Variants in ZNF644 observed in about 807,000 individuals in gnomAD.
The protein encoded by ZNF644 is zinc finger protein 644, also known as zinc finger motif enhancer binding protein 2.
A neutral mutation model predicts 108.0 loss-of-function variants in ZNF644; 20 were observed. The ratio of observed to expected loss-of-function variants is 0.19; its 90% CI spans 0.13 to 0.27. The LOEUF (loss-of-function observed/expected upper bound fraction) is 0.27. Ranked by LOEUF, ZNF644 falls within the 10% of genes least tolerant of loss-of-function variation. The pLI, the probability that ZNF644 is intolerant of heterozygous loss-of-function variation, is 1.00. For missense variants in ZNF644, 1,338 were observed against 1,548.9 expected (o/e 0.86, Z 2.29); for synonymous variants, 542 against 539.1 (o/e 1.01, Z -0.08).
At chr1:90,942,694 G>T (rs1205127088) in intron 2 of ZNF644, among the ~76,000 whole-genome samples, 1 of 152,128 alleles carries the variant, frequency 6.6e-6, no homozygotes, top group Admixed American at 6.6e-5. Context: ...GTTCCATCAG[G>T]TTCTGATTTA....
chr1:90,967,682 C>T (rs889598154), intron 2 of ZNF644, among the ~76,000 whole-genome samples: 10 of 152,156 alleles, frequency 6.6e-5, no homozygotes, highest in Admixed American at 5.2e-4. Flanking sequence ...TTATTAACTT[C>T]AACTGGTTTC....
At chr1:90,918,349 G>C in intron 4 of ZNF644, 195 bp from the exon 5 acceptor site, 1 of 596,584 alleles carries the variant, frequency 1.7e-6, no homozygotes, top group Non-Finnish European at 3.0e-6. Context: ...CTGTACAGCG[G>C]TATTATCTGT....
At chr1:90,978,344 C>CT (rs1030825600) in intron 2 of ZNF644, among the ~76,000 whole-genome samples, 2 of 144,100 alleles carry the variant, frequency 1.4e-5, no homozygotes, top group African/African-American at 5.1e-5. Context: ...AAGAGCAAAA[C>CT]TTTGTCTTAA....
chr1:90,998,189 A>T (rs556936170), intron 1 of ZNF644, among the ~76,000 whole-genome samples: 1 of 152,340 alleles, frequency 6.6e-6, no homozygotes, highest in South Asian at 2.1e-4. Flanking sequence ...GACAGCTTTG[A>T]AGCGAGTAGT....
intron 4 of ZNF644, among the ~76,000 whole-genome samples, chr1:90,931,500 A>C (rs908428928): frequency 6.6e-6 from 1 of 152,140 alleles, no homozygotes; most frequent in African/African-American, 2.4e-5. Flanking sequence ...CTATTTTGAT[A>C]AAGATTGATC....
At chr1:90,966,700 A>T (rs1391395776) in intron 2 of ZNF644, among the ~76,000 whole-genome samples, 1 of 149,720 alleles carries the variant, frequency 6.7e-6, no homozygotes, top group Non-Finnish European at 1.5e-5. Context: ...TGGTGAACCA[A>T]GATTGTACCA....
intron 2 of ZNF644, among the ~76,000 whole-genome samples, chr1:90,976,855 T>C (rs1656062401): frequency 6.6e-6 from 1 of 152,106 alleles, no homozygotes; most frequent in Non-Finnish European, 1.5e-5. Flanking sequence ...TTATATAATA[T>C]GGCATAGTAC....
intron 1 of ZNF644, chr1:91,020,593 A>G (rs1019460726): frequency 2.0e-5 from 3 of 152,234 alleles, no homozygotes; most frequent in African/African-American, 7.2e-5. Context: ...TAGCAAGCCT[A>G]CCAAAATGCA....
chr1:90,934,127 G>A (rs116804089), intron 4 of ZNF644, among the ~76,000 whole-genome samples: 1 of 152,130 alleles, frequency 6.6e-6, no homozygotes, highest in African/African-American at 2.4e-5. Context: ...TAAAGGTGAG[G>A]GTATATAAAA....
intron 4 of ZNF644, among the ~76,000 whole-genome samples, chr1:90,928,845 G>A (rs568147461): frequency 1.3e-5 from 2 of 151,850 alleles, no homozygotes; most frequent in African/African-American, 4.8e-5. Context: ...ACTTCATCTC[G>A]TCTTCCTAAA....
intron 2 of ZNF644, among the ~76,000 whole-genome samples, chr1:90,980,913 G>A (rs2101471254): frequency 6.6e-6 from 1 of 152,190 alleles, no homozygotes; most frequent in South Asian, 2.1e-4. Context: ...TATGTGAAAA[G>A]TCATTCAGCT....
intron 2 of ZNF644, among the ~76,000 whole-genome samples, 155 bp from the exon 3 acceptor site, chr1:90,941,464 A>C (rs1465812940): frequency 1.3e-5 from 2 of 152,196 alleles, no homozygotes; most frequent in Admixed American, 1.3e-4. Flanking sequence ...ACACAAACAT[A>C]TTGAAATATT....
intron 2 of ZNF644, among the ~76,000 whole-genome samples, chr1:90,977,519 A>G (rs758987430): frequency 6.6e-6 from 1 of 152,192 alleles, no homozygotes. Context: ...ACCTTTGAGC[A>G]CTCTCACAAT....
intron 1 of ZNF644, among the ~76,000 whole-genome samples, chr1:90,989,616 A>G (rs1249763351): frequency 6.6e-6 from 1 of 152,202 alleles, no homozygotes; most frequent in Non-Finnish European, 1.5e-5. Flanking sequence ...AAACTACAAG[A>G]TATCACCTTA....
intron 2 of ZNF644, among the ~76,000 whole-genome samples, chr1:90,968,821 C>T (rs1280301635): frequency 6.6e-6 from 1 of 152,042 alleles, no homozygotes; most frequent in East Asian, 1.9e-4. Flanking sequence ...TAAATAGATA[C>T]ATTTATCAGT....
chr1:90,991,857 A>C (rs1657665656), intron 1 of ZNF644, among the ~76,000 whole-genome samples: 2 of 152,182 alleles, frequency 1.3e-5, no homozygotes, highest in Non-Finnish European at 2.9e-5. Flanking sequence ...AAACCATGTC[A>C]AACGATTTGT....
Position 91,019,787 on chromosome 1 carries a change from G to A in ZNF644, c.-18+2203C>T, listed in dbSNP as rs142498604. Among the ~76,000 whole-genome samples, 1,301 of 152,162 alleles carry A rather than the reference G, an allele frequency of 8.6e-3. 5 individuals are homozygous for A. The highest frequency in any genetic ancestry group is 0.014 in the Non-Finnish European group (954 of 68,000). On this transcript the variant is annotated intron_variant, in intron 1 of 5. Transcript: ENST00000337393. ...TCACCATGTTAGCCAGGATGGTCTC[G>A]ATCTCTTGACCTCGTGATCTGCTCG...
intron 1 of ZNF644, among the ~76,000 whole-genome samples, chr1:91,001,399 G>A (rs1658795387): frequency 6.6e-6 from 1 of 152,052 alleles, no homozygotes; most frequent in African/African-American, 2.4e-5. Context: ...ATCAATAAAC[G>A]TAATCCAGCA....
At chr1:90,983,875 G>A (rs932171281) in intron 1 of ZNF644, among the ~76,000 whole-genome samples, 7 of 152,216 alleles carry the variant, frequency 4.6e-5, no homozygotes, top group Non-Finnish European at 8.8e-5. Flanking sequence ...GTTGCAATGA[G>A]CCAAGATCAC....
Sources: allele counts gnomAD v4.1 joint callset (sites outside exome capture counted in the v4.1 genomes callset), GRCh38; gene constraint gnomAD v4.1.1; transcripts MANE v1.5; gene names NCBI Gene and HGNC (gene_info 2026-07-23, HGNC 2026-07-21).